Variants in RARB observed in about 807,000 individuals in gnomAD.
RARB encodes the protein HBV-activated protein.
A neutral mutation model predicts 51.9 loss-of-function variants in RARB; 17 were observed. The observed-to-expected ratio is 0.33, with a 90% CI of 0.22 to 0.49. The LOEUF is 0.49. Ranked by LOEUF, RARB falls within the 20% of genes least tolerant of loss-of-function variation. RARB has a pLI of 0.99. For missense variants in RARB, 369 were observed against 550.8 expected (o/e 0.67, Z 3.30); for synonymous variants, 215 against 195.4 (o/e 1.10, Z -0.84).
At chr3:25,008,365 C>T (rs569135577) in intron 2 of RARB, among the ~76,000 whole-genome samples, 3 of 152,224 alleles carry the variant, frequency 2.0e-5, no homozygotes, top group African/African-American at 7.2e-5. Context: ...CTTGAATCAC[C>T]ATAAATTTAT....
intron 2 of RARB, among the ~76,000 whole-genome samples, chr3:25,015,386 A>G (rs1397315478): frequency 1.3e-5 from 2 of 152,194 alleles, no homozygotes; most frequent in African/African-American, 4.8e-5. Flanking sequence ...TGAATATTTC[A>G]TTGGGAGAGA....
chr3:25,215,273 C>G (rs1400286979), intron 5 of RARB, among the ~76,000 whole-genome samples: 1 of 152,002 alleles, frequency 6.6e-6, no homozygotes, highest in Non-Finnish European at 1.5e-5. Flanking sequence ...TCTTTGTAGA[C>G]AGAAAAATTA....
intron 3 of RARB, among the ~76,000 whole-genome samples, chr3:25,118,166 T>C (rs1310742495): frequency 6.6e-6 from 1 of 152,196 alleles, no homozygotes; most frequent in African/African-American, 2.4e-5. Context: ...CACTGTATAA[T>C]GTCATGAATG....
chr3:25,309,546 G>A (rs1575301625), intron 5 of RARB, among the ~76,000 whole-genome samples: 1 of 136,714 alleles, frequency 7.3e-6, no homozygotes, highest in Admixed American at 8.2e-5. Flanking sequence ...CGCCCAGGCT[G>A]GAGTGCAGTG....
At chr3:25,268,159 A>C (rs1016324685) in intron 5 of RARB, among the ~76,000 whole-genome samples, 6 of 152,202 alleles carry the variant, frequency 3.9e-5, no homozygotes, top group African/African-American at 1.4e-4. Flanking sequence ...TAATCTTTTA[A>C]CAGCTCTCAG....
chr3:24,854,972 T>C (rs1702613185), intron 1 of RARB, among the ~76,000 whole-genome samples: 2 of 152,320 alleles, frequency 1.3e-5, no homozygotes, highest in Middle Eastern at 3.4e-3. Context: ...ATTCTGATGC[T>C]GCTAAGGTTT....
At position 25,500,091 on chromosome 3, in the gene RARB, A is replaced by G. The variant is rs77544333; in HGVS notation, c.307-1091A>G. 3.7e-3 allele frequency among the ~76,000 whole-genome samples: 561 copies of G among 152,364 alleles called. 7 individuals carry two copies. The highest frequency in any genetic ancestry group is 0.013 in the African/African-American group (539 of 41,586). ...TTACTACCCGGTAACGCTTTCTGCA[A>G]TGATGAAAATATTTTGTATATGTGG... On this transcript the variant is annotated intron_variant, in intron 2 of 7. Coordinates refer to ENST00000330688, the MANE Select transcript of RARB (RefSeq NM_000965.5).
intron 2 of RARB, among the ~76,000 whole-genome samples, chr3:25,040,414 G>C (rs564786315): frequency 6.6e-6 from 1 of 152,120 alleles, no homozygotes; most frequent in Non-Finnish European, 1.5e-5. Flanking sequence ...GTTCAAATGA[G>C]CTGGATTGGT....
chr3:25,160,760 C>T (rs1378184082), intron 4 of RARB, among the ~76,000 whole-genome samples: 2 of 152,140 alleles, frequency 1.3e-5, no homozygotes, highest in East Asian at 1.9e-4. Flanking sequence ...GTCAAGGTGC[C>T]GCCATGGTTC....
intron 4 of RARB, among the ~76,000 whole-genome samples, chr3:25,579,347 T>G (rs1252149871): frequency 6.6e-6 from 1 of 152,368 alleles, no homozygotes. Flanking sequence ...CCAGAGAGTT[T>G]CCTTGTGCAC....
chr3:25,541,725 A>G (rs1699390821), intron 3 of RARB, among the ~76,000 whole-genome samples: 1 of 152,204 alleles, frequency 6.6e-6, no homozygotes, highest in East Asian at 1.9e-4. Context: ...TTATTGTGAC[A>G]TACTGTGAAT....
intron 3 of RARB, among the ~76,000 whole-genome samples, chr3:25,078,000 A>G (rs748374368): frequency 6.6e-6 from 1 of 152,104 alleles, no homozygotes; most frequent in Non-Finnish European, 1.5e-5. Flanking sequence ...TGAAATTGCT[A>G]TATAAATCTA....
rs80103092 is a variant in RARB at position 25,054,855 on chromosome 3, C to A, written c.-379-5270C>A. 0.012 allele frequency among the ~76,000 whole-genome samples: 1,801 copies of A among 152,262 alleles called. 93 individuals carry two copies. In the East Asian group the frequency reaches 0.16, roughly 13 times the overall value. On this transcript the variant is annotated intron_variant, in intron 2 of 11. Transcript: ENST00000383772. ...CCAAGAGGAGCTGAGAGTTATTGAGCTAGTTCAAAGCAATCTCGATTATTG... is the reference window on the plus strand; with the variant it reads ...CCAAGAGGAGCTGAGAGTTATTGAGATAGTTCAAAGCAATCTCGATTATTG...
rs1397485001 is a variant in RARB at position 25,596,641 on chromosome 3, T to C, written c.*25T>C. 8 of 1,537,192 alleles carry C rather than the reference T, an allele frequency of 5.2e-6. No homozygotes were observed. The highest frequency in any genetic ancestry group is 3.5e-5 in the Admixed American group (2 of 57,930). ...AGACATTTTCTAGCTACTTCAAACA[T>C]TCCCCAGTACCTTCAGTTCCAGGAT... On this transcript the variant is annotated 3_prime_UTR_variant, in exon 8 of 8. Transcript: ENST00000330688.
intron 5 of RARB, among the ~76,000 whole-genome samples, chr3:25,233,722 G>A (rs1420389140): frequency 6.7e-6 from 1 of 150,214 alleles, no homozygotes; most frequent in East Asian, 2.0e-4. Context: ...TTGGGTAAGA[G>A]AATTTATTAT....
intron 2 of RARB, among the ~76,000 whole-genome samples, chr3:25,464,697 TTATC>T: frequency 6.6e-6 from 1 of 152,044 alleles, no homozygotes; most frequent in South Asian, 2.1e-4. Context: ...TTTAAAAAAA[TTATC>T]AATACAGTAT....
chr3:25,248,791 C>T (rs1702633123), intron 5 of RARB, among the ~76,000 whole-genome samples: 1 of 152,094 alleles, frequency 6.6e-6, no homozygotes, highest in Non-Finnish European at 1.5e-5. Flanking sequence ...ATGTCTACTG[C>T]TTATATGTCT....
intron 5 of RARB, among the ~76,000 whole-genome samples, chr3:25,364,028 T>G (rs1281742356): frequency 6.6e-6 from 1 of 152,232 alleles, no homozygotes; most frequent in African/African-American, 2.4e-5. Flanking sequence ...CTCTTTCAAA[T>G]TTCAATGCCC....
At chr3:24,882,223 A>C (rs1335975519) in intron 2 of RARB, among the ~76,000 whole-genome samples, 1 of 152,200 alleles carries the variant, frequency 6.6e-6, no homozygotes, top group Non-Finnish European at 1.5e-5. Flanking sequence ...AAGAGAGTTG[A>C]GTTACATTAA....
Sources: allele counts gnomAD v4.1 joint callset (sites outside exome capture counted in the v4.1 genomes callset), GRCh38; gene constraint gnomAD v4.1.1; transcripts MANE v1.5; gene names NCBI Gene and HGNC (gene_info 2026-07-23, HGNC 2026-07-21).